ALG6: variants seen among roughly 807,000 people sequenced by gnomAD.
The protein encoded by ALG6 is ALG6 alpha-1,3-glucosyltransferase.
Under a neutral mutation model 66.6 loss-of-function variants are expected in ALG6, and 46 were observed. That is an observed-to-expected ratio of 0.69 (90% confidence interval 0.55 to 0.88). ALG6 has a LOEUF of 0.88. ALG6 is among the 40% of genes least tolerant of loss of function. The probability of loss-of-function intolerance (pLI) is 0.00; values close to 1 mark genes in which losing one functional copy is unlikely to be tolerated. For missense variants in ALG6, 505 were observed against 586.8 expected (o/e 0.86, Z 1.44); for synonymous variants, 185 against 203.7 (o/e 0.91, Z 0.78).
rs1644468528 is a variant in ALG6 at position 63,402,269 on chromosome 1, T to G, written c.183T>G (p.Ser61Arg). Residue 61 changes from serine to arginine, a missense_variant, in exon 4 of 15, where the codon AGT becomes AGG. Ser to Arg is a moderately radical substitution (Grantham distance 110, BLOSUM62 -1). Transcript: ENST00000263440. ...TCTTTTTCAGGTATTTTAACAGCAG[T>G]GATAACAATTTACAGTATTGGGGAT... The part of the protein sequence containing the change: ...LPVKQWYFNS[S>R]DNNLQYWGLD... 28 of 1,605,846 alleles carry G rather than the reference T, an allele frequency of 1.7e-5. No homozygotes were observed. Among genetic ancestry groups the G allele is most frequent in the Non-Finnish European group, 2.3e-5 (27 of 1,172,730 alleles).
At chr1:63,402,134 C>CTA in intron 3 of ALG6, 120 bp from the exon 4 acceptor site, 7 of 732,524 alleles carry the variant, frequency 9.6e-6, no homozygotes, top group South Asian at 1.5e-5. Flanking sequence ...TTATTAATAG[C>CTA]TTAATAATTA....
intron 2 of ALG6, among the ~76,000 whole-genome samples, chr1:63,389,620 T>C (rs1337054035): frequency 2.0e-5 from 3 of 152,326 alleles, no homozygotes; most frequent in Non-Finnish European, 4.4e-5. Context: ...TTTTTCTGGA[T>C]GGTCTTAATG....
chr1:63,434,869 G>A (rs574793445), intron 14 of ALG6, among the ~76,000 whole-genome samples: 5 of 152,294 alleles, frequency 3.3e-5, no homozygotes, highest in African/African-American at 9.6e-5. Flanking sequence ...GAATGCAGAC[G>A]TAGGGGACAT....
rs1353429077 is a variant in ALG6 at position 63,422,366 on chromosome 1, AAT to A, written c.1058+2934_1058+2935del. Among the ~76,000 whole-genome samples the A allele has an allele frequency of 4.8e-5, 5 of 103,972 alleles. 1 individual carries two copies. The highest frequency in any genetic ancestry group is 2.7e-4 in the South Asian group (1 of 3,760). 68.2% of individuals were successfully genotyped at this position (103,972 alleles called of 152,430 possible). ...ATAAATATATATCTATATAAATATAAATATATATAAGTATAAATATATATAAA... is the reference window on the plus strand; with the variant it reads ...ATAAATATATATCTATATAAATATAAATATATAAGTATAAATATATATAAA... On this transcript the variant is annotated intron_variant, in intron 12 of 14. Transcript: ENST00000263440.
chr1:63,424,233 C>G (rs565810888), intron 12 of ALG6, among the ~76,000 whole-genome samples: 1 of 152,132 alleles, frequency 6.6e-6, no homozygotes, highest in South Asian at 2.1e-4. Flanking sequence ...CTCCGCCTCC[C>G]GGGTTCAAGT....
At position 63,436,807 on chromosome 1, in the gene ALG6, CT is replaced by C. The variant is rs1236127359; in HGVS notation, c.1327-9del. The C allele has an allele frequency of 3.1e-6, 5 of 1,611,932 alleles. No homozygotes were observed. Among genetic ancestry groups the C allele is most frequent in the Non-Finnish European group, 4.2e-6 (5 of 1,178,280 alleles). ...TCACCTTTTATACTACTCAGTAATCCTTTTTTTCCTTGCAGTTTCTTATCTC... is the reference window on the plus strand; with the variant it reads ...TCACCTTTTATACTACTCAGTAATCCTTTTTTCCTTGCAGTTTCTTATCTC... On this transcript the variant is annotated splice_polypyrimidine_tract_variant and intron_variant, in intron 14 of 14. Coordinates refer to ENST00000263440, the MANE Select transcript of ALG6 (RefSeq NM_013339.4).
chr1:63,369,152 T>G lies in ALG6; in HGVS notation c.-208+1465T>G, dbSNP rs568592240. Among the ~76,000 whole-genome samples the G allele has an allele frequency of 4.6e-5, 7 of 152,214 alleles. No homozygotes were observed. The South Asian group carries it at 1.4e-3, about 32-fold the overall frequency. On this transcript the variant is annotated intron_variant, in intron 1 of 14. Coordinates refer to ENST00000263440, the MANE Select transcript of ALG6 (RefSeq NM_013339.4). ...ATGTCATGTGAAAATACAAATCCTG[T>G]TAGTGAAAAGAATTAGGAAGCAAAT...
At chr1:63,383,287 A>T (rs1648392141) in intron 2 of ALG6, among the ~76,000 whole-genome samples, 1 of 149,818 alleles carries the variant, frequency 6.7e-6, no homozygotes, top group Non-Finnish European at 1.5e-5. Flanking sequence ...ATGCCTAGCT[A>T]ATTTTTTTTG....
intron 12 of ALG6, among the ~76,000 whole-genome samples, chr1:63,422,255 TTATA>T (rs1287462675): frequency 1.6e-5 from 1 of 60,922 alleles, no homozygotes; most frequent in Non-Finnish European, 2.8e-5. Context: ...ATATATATAT[TTATA>T]TAGATATAAA....
chr1:63,436,737 G>A (rs1644680546), intron 14 of ALG6, 86 bp from the exon 15 acceptor site: 6 of 1,299,142 alleles, frequency 4.6e-6, no homozygotes, highest in Non-Finnish European at 6.7e-6. Flanking sequence ...CTTTAATTCT[G>A]CTCATTTAAT....
chr1:63,391,980 G>A (rs1648686251), intron 2 of ALG6, among the ~76,000 whole-genome samples: 1 of 152,058 alleles, frequency 6.6e-6, no homozygotes, highest in Admixed American at 6.6e-5. Flanking sequence ...AAGGCAAATG[G>A]CAACACTTGA....
chr1:63,371,324 C>G, intron 2 of ALG6: 1 of 432,430 alleles, frequency 2.3e-6, no homozygotes, highest in South Asian at 2.3e-5. Context: ...CTGTATTAAA[C>G]ATTGAAGAGG....
intron 2 of ALG6, among the ~76,000 whole-genome samples, chr1:63,374,981 A>AG (rs1476267486): frequency 6.6e-6 from 1 of 152,082 alleles, no homozygotes; most frequent in Non-Finnish European, 1.5e-5. Context: ...AGGCTGAGGC[A>AG]GGGGGATCAC....
chr1:63,428,623 T>C (rs1644629397), intron 12 of ALG6, 110 bp from the exon 13 acceptor site: 1 of 861,346 alleles, frequency 1.2e-6, no homozygotes, highest in Non-Finnish European at 1.8e-6. Context: ...CCTGGCTGTT[T>C]TTAAGCTACC....
intron 12 of ALG6, among the ~76,000 whole-genome samples, chr1:63,422,130 A>T (rs963929711): frequency 1.3e-3 from 88 of 67,892 alleles, no homozygotes; most frequent in East Asian, 3.6e-3. Flanking sequence ...TATATAAATA[A>T]ATATATAAAT....
intron 11 of ALG6, 128 bp downstream of exon 11, chr1:63,416,085 T>G: frequency 1.4e-6 from 1 of 736,420 alleles, no homozygotes; most frequent in Non-Finnish European, 2.4e-6. Context: ...AGACATTTAT[T>G]GGATGTTTCC....
At position 63,402,239 on chromosome 1, in the gene ALG6, T is replaced by A. The variant is rs1213992277; in HGVS notation, c.168-15T>A. Reference sequence around the variant, plus strand: ...GATTAACGGAATGGTGCTTTCTTCTTTTTTTCTTTTTCAGGTATTTTAACA... The same window carrying A: ...GATTAACGGAATGGTGCTTTCTTCTATTTTTCTTTTTCAGGTATTTTAACA... On this transcript the variant is annotated splice_polypyrimidine_tract_variant and intron_variant, in intron 3 of 14. Coordinates refer to ENST00000263440, the MANE Select transcript of ALG6 (RefSeq NM_013339.4). The A allele has an allele frequency of 1.3e-6, 2 of 1,515,554 alleles. No homozygotes were observed. The highest frequency in any genetic ancestry group is 4.5e-5 in the East Asian group (2 of 44,398). The allele number at this position is 1,515,554 out of a possible 1,614,324, so 93.9% of individuals were successfully genotyped here.
At chr1:63,400,359 A>AT (rs1644457989) in intron 3 of ALG6, among the ~76,000 whole-genome samples, 1 of 110,592 alleles carries the variant, frequency 9.0e-6, no homozygotes, top group African/African-American at 4.2e-5. Context: ...GTATATATAT[A>AT]TGTATATATA....
chr1:63,376,809 A>G (rs961505782), intron 2 of ALG6, among the ~76,000 whole-genome samples: 7 of 152,176 alleles, frequency 4.6e-5, no homozygotes, highest in Non-Finnish European at 8.8e-5. Context: ...CATATATTCA[A>G]TAACCCAATA....
Sources: allele counts gnomAD v4.1 joint callset (sites outside exome capture counted in the v4.1 genomes callset), GRCh38; gene constraint gnomAD v4.1.1; transcripts MANE v1.5; gene names NCBI Gene and HGNC (gene_info 2026-07-23, HGNC 2026-07-21).